EVC: variants seen among roughly 807,000 people sequenced by gnomAD.
The protein encoded by EVC is evC complex member EVC.
EVC carries 116 observed loss-of-function variants against 118.9 expected under a neutral mutation model. That is an observed-to-expected ratio of 0.98 (90% CI 0.84 to 1.14). EVC has a LOEUF of 1.14. Ranked by LOEUF, EVC falls within the 50% of genes most tolerant of loss-of-function variation. EVC has a pLI of 0.00. For synonymous variants in EVC, 619 were observed against 534.7 expected, an observed-to-expected ratio of 1.16 and a Z score of -2.18; for missense variants, 1,401 against 1,246.4, an observed-to-expected ratio of 1.12 and a Z score of -1.87.
At position 5,733,415 on chromosome 4, in the gene EVC, C is replaced by G. The variant is rs760306552; in HGVS notation, c.682C>G (p.Leu228Val). Residue 228 changes from leucine to valine, a missense_variant, in exon 5 of 21, where the codon CTG (leucine) becomes GTG (valine). Transcript: ENST00000264956. ...AGACCTGCTGCATTTGGACACGGCA[C>G]TGAGGCAGGAAAAGCATATGGTAGG... ...LKDLLHLDTA[L>V]RQEKHMMFIQ... 4 of 1,613,944 alleles carry G rather than the reference C, an allele frequency of 2.5e-6. No homozygotes were observed. The highest frequency in any genetic ancestry group is 1.7e-5 in the Admixed American group (1 of 60,006).
Position 5,812,946 on chromosome 4 carries a change from C to T in EVC, c.*1909C>T, listed in dbSNP as rs1193653663. On this transcript the variant is annotated 3_prime_UTR_variant, in exon 21 of 21. Coordinates refer to ENST00000264956, the MANE Select transcript of EVC (RefSeq NM_153717.3). ...AAAAATCCCCAGAACCTAGTGAGCCCTCTGGCTCTGGGAGCCCCTATCTCA... is the reference window on the plus strand; with the variant it reads ...AAAAATCCCCAGAACCTAGTGAGCCTTCTGGCTCTGGGAGCCCCTATCTCA... 6.6e-6 allele frequency: 1 copy of T among 152,250 alleles called. No individual in the cohort carries two copies. The highest frequency in any genetic ancestry group is 2.4e-5 in the African/African-American group (1 of 41,462). 9.4% of individuals were successfully genotyped at this position (152,250 alleles called of 1,614,324 possible).
In EVC at chr4:5,720,049, T is replaced by C. The variant is rs189738295; in HGVS notation, c.300+676T>C. Among the ~76,000 whole-genome samples, 51 of 152,298 alleles carry C rather than the reference T, an allele frequency of 3.3e-4. 1 individual carries two copies. The East Asian group carries it at 6.6e-3, about 20-fold the overall frequency. On this transcript the variant is annotated intron_variant, in intron 2 of 20. Coordinates refer to ENST00000264956, the MANE Select transcript of EVC (RefSeq NM_153717.3). The stretch of plus-strand genomic sequence containing the variant: ...GGAAGAGATGTTAAAAAAATTCTAT[T>C]TGTTCCTGCCTTCCTGGAACCCTTC...
chr4:5,802,211 A>T, intron 16 of EVC, 117 bp downstream of exon 16: 1 of 1,413,710 alleles, frequency 7.1e-7, no homozygotes, highest in Non-Finnish European at 9.8e-7. Flanking sequence ...TAATTATTTC[A>T]GTGTTTTAAT....
At chr4:5,720,580 G>A (rs758337092) in intron 2 of EVC, among the ~76,000 whole-genome samples, 23 of 152,190 alleles carry the variant, frequency 1.5e-4, no homozygotes, top group Non-Finnish European at 3.1e-4. Flanking sequence ...CCAAAGGTCC[G>A]ACGTCAGTAG....
chr4:5,825,893 A>G, the EVC span: 3 of 537,358 alleles, frequency 5.6e-6, no homozygotes, highest in South Asian at 7.6e-5. The surrounding 1 kb of genome is among the most constrained non-coding windows in gnomAD (Gnocchi z 4.4). Context: ...ACATGCATAC[A>G]CATACAGACG....
chr4:5,827,622 AC>A, the EVC span, among the ~76,000 whole-genome samples: 2,834 of 150,140 alleles, frequency 0.019, 36 homozygotes, highest in Non-Finnish European at 0.027. Context: ...ACACACGCGC[AC>A]ACACACACAC....
At chr4:5,776,023 TG>T (rs1259670791) in intron 11 of EVC, among the ~76,000 whole-genome samples, 2 of 152,094 alleles carry the variant, frequency 1.3e-5, no homozygotes, top group African/African-American at 4.8e-5. Context: ...ATATAGCTGT[TG>T]TTTTTTTTTA....
chr4:5,724,514 G>A (rs1033358087), intron 2 of EVC, among the ~76,000 whole-genome samples: 21 of 152,284 alleles, frequency 1.4e-4, no homozygotes, highest in African/African-American at 4.3e-4. Flanking sequence ...GCTAAAGAGG[G>A]CGGACCTGGG....
intron 6 of EVC, among the ~76,000 whole-genome samples, chr4:5,744,611 A>C (rs1202538751): frequency 6.6e-6 from 1 of 152,156 alleles, no homozygotes; most frequent in Non-Finnish European, 1.5e-5. Context: ...CCTAATACTG[A>C]ATCCCAGAAT....
chr4:5,757,544 T>C lies in EVC; in HGVS notation c.1563+1182T>C, dbSNP rs967107299. 3.3e-5 allele frequency among the ~76,000 whole-genome samples: 5 copies of C among 152,356 alleles called. No individual in the cohort carries two copies. In the South Asian group the frequency reaches 8.3e-4, roughly 25 times the overall value. On this transcript the variant is annotated intron_variant, in intron 11 of 20. Coordinates refer to ENST00000264956, the MANE Select transcript of EVC (RefSeq NM_153717.3). Reference sequence around the variant, plus strand: ...TGGAGGCTGAAGCCCGAGATCACGGTGCCAACAGGATTGACTTCTGGTGAG... The same window carrying C: ...TGGAGGCTGAAGCCCGAGATCACGGCGCCAACAGGATTGACTTCTGGTGAG...
chr4:5,800,078 C>G (rs1164125084), intron 15 of EVC, among the ~76,000 whole-genome samples: 1 of 152,246 alleles, frequency 6.6e-6, no homozygotes, highest in East Asian at 1.9e-4. Flanking sequence ...AGCGCAGTGG[C>G]TCACGCCTGT....
In EVC at chr4:5,719,480, C is replaced by T; in HGVS notation, c.300+107C>T. 6.5e-7 allele frequency: 1 copy of T among 1,529,442 alleles called. No individual in the cohort carries two copies. Among genetic ancestry groups the T allele is most frequent in the Non-Finnish European group, 9.0e-7 (1 of 1,107,540 alleles). 94.7% of individuals were successfully genotyped at this position (1,529,442 alleles called of 1,614,324 possible). ...CAAGCCTCTGACAGATATAGTTTCC[C>T]AATGGGCTGCTTTTCTGAGGCATAA... On this transcript the variant is annotated intron_variant, in intron 2 of 20. Coordinates refer to ENST00000264956, the MANE Select transcript of EVC (RefSeq NM_153717.3). This position sits in a 1 kb window ranked among gnomAD's most constrained non-coding sequence, Gnocchi z 4.7.
At chr4:5,716,045 A>G (rs1209740463) in intron 1 of EVC, among the ~76,000 whole-genome samples, 1 of 152,154 alleles carries the variant, frequency 6.6e-6, no homozygotes, top group Non-Finnish European at 1.5e-5. Context: ...CCCGGCCTCC[A>G]TTGTCTTCTA....
chr4:5,776,953 A>T (rs1395972379), intron 11 of EVC, among the ~76,000 whole-genome samples: 1 of 152,122 alleles, frequency 6.6e-6, no homozygotes, highest in Non-Finnish European at 1.5e-5. Flanking sequence ...AAGCATTGAT[A>T]TTTTAAAGAC....
intron 12 of EVC, 148 bp downstream of exon 12, chr4:5,783,912 C>A: frequency 1.3e-6 from 1 of 747,170 alleles, no homozygotes. Flanking sequence ...CAATGGCCCA[C>A]CACAGGGGTG....
intron 2 of EVC, among the ~76,000 whole-genome samples, chr4:5,727,833 C>A (rs1390351459): frequency 6.9e-6 from 1 of 145,894 alleles, no homozygotes; most frequent in Admixed American, 6.8e-5. Flanking sequence ...ATAGGGAATC[C>A]TTTCCGCATT....
chr4:5,776,739 T>G (rs774449724), intron 11 of EVC, among the ~76,000 whole-genome samples: 10 of 152,304 alleles, frequency 6.6e-5, no homozygotes, highest in Non-Finnish European at 1.5e-4. Context: ...TCTGATCTAT[T>G]TTCCAGTGTG....
At chr4:5,825,732 C>G in the EVC span, 3 of 1,524,040 alleles carry the variant, frequency 2.0e-6, no homozygotes, top group South Asian at 2.4e-5. The surrounding 1 kb of genome is among the most constrained non-coding windows in gnomAD (Gnocchi z 4.4). Context: ...TAAAGCAGAG[C>G]CCTGCGGGCG....
rs1165390190 is a variant in EVC, at chr4:5,784,223, C to T, written c.1776+459C>T. ...TCCCTTACAGGGCAAAAGGCAGGTG[C>T]GGTTGAGTGAAGGACTTTGAGGTAG... On this transcript the variant is annotated intron_variant, in intron 12 of 20. Transcript: ENST00000264956. Among the ~76,000 whole-genome samples, 5 of 152,036 alleles carry T rather than the reference C, an allele frequency of 3.3e-5. 1 individual carries two copies. The highest frequency in any genetic ancestry group is 4.2e-4 in the South Asian group (2 of 4,814).
Sources: allele counts gnomAD v4.1 joint callset (sites outside exome capture counted in the v4.1 genomes callset), GRCh38; gene constraint gnomAD v4.1.1; non-coding constraint Gnocchi (gnomAD v3.1); transcripts MANE v1.5; gene names NCBI Gene and HGNC (gene_info 2026-07-23, HGNC 2026-07-21).